Variants in ATXN7L1 observed in about 807,000 individuals in gnomAD.
The protein encoded by ATXN7L1 is ataxin 7 like 1.
A neutral mutation model predicts 70.8 loss-of-function variants in ATXN7L1; 15 were observed. The ratio of observed to expected loss-of-function variants is 0.21; its 90% CI spans 0.14 to 0.33. ATXN7L1 has a LOEUF of 0.33. ATXN7L1 is among the 10% of genes least tolerant of loss of function. ATXN7L1 has a pLI of 1.00. For missense variants in ATXN7L1, 975 were observed against 1,097.1 expected, an observed-to-expected ratio of 0.89 and a Z score of 1.57; for synonymous variants, 440 against 445.1, an observed-to-expected ratio of 0.99 and a Z score of 0.14.
intron 2 of ATXN7L1, among the ~76,000 whole-genome samples, chr7:105,789,847 T>C (rs1804875769): frequency 6.6e-6 from 1 of 150,636 alleles, no homozygotes; most frequent in African/African-American, 2.4e-5. Context: ...TCCGAGACAA[T>C]GAACACATAT....
chr7:105,614,056 C>A lies in ATXN7L1; in HGVS notation c.2278G>T (p.Ala760Ser), dbSNP rs182784708. 589 of 1,551,822 alleles carry A rather than the reference C, an allele frequency of 3.8e-4. 6 individuals carry two copies. The highest frequency in any genetic ancestry group is 2.4e-4 in the Admixed American group (12 of 51,010). The change falls in exon 10 of 12, where the codon GCC becomes TCC. Residue 760 changes from alanine to serine, a missense_variant. Ala to Ser is a moderately conservative substitution (Grantham distance 99, BLOSUM62 1). Transcript: ENST00000419735. The surrounding 1 kb of genome is among the most constrained non-coding windows in gnomAD (Gnocchi z 4.3). ...LALHAGDLSL[A>S]SHNAVSSLPL... ...AGAGAAGACACAGCATTGTGTGAGG[C>A]CAGAGAGAGGTCCCCTGCGTGGAGC...
chr7:105,819,271 G>GCAT (rs1809698040), intron 2 of ATXN7L1, among the ~76,000 whole-genome samples: 1 of 151,986 alleles, frequency 6.6e-6, no homozygotes, highest in Non-Finnish European at 1.5e-5. Flanking sequence ...TTCACAAATG[G>GCAT]CATCTTGGTA....
intron 2 of ATXN7L1, among the ~76,000 whole-genome samples, chr7:105,871,212 G>A (rs938715385): frequency 2.6e-5 from 4 of 151,458 alleles, no homozygotes; most frequent in Admixed American, 1.3e-4. Flanking sequence ...AGGACATTCA[G>A]TTCCACCCCC....
chr7:105,636,447 G>GCCCC (rs11433155), intron 7 of ATXN7L1, among the ~76,000 whole-genome samples: 5 of 139,454 alleles, frequency 3.6e-5, no homozygotes, highest in Admixed American at 7.4e-5. Context: ...GTGTTCCTCT[G>GCCCC]CCCCCCCCAC....
In ATXN7L1 at chr7:105,614,339, G is replaced by C. The variant is rs1470351874; in HGVS notation, c.1995C>G (p.Ser665=). The C allele has an allele frequency of 1.3e-6, 2 of 1,552,378 alleles. No individual in the cohort carries two copies. Among genetic ancestry groups the C allele is most frequent in the East Asian group, 4.9e-5 (2 of 40,928 alleles). ...GAGGCCCTGACAGTGGAGACGAGAG[G>C]GATGTCTGCAAGGAAGAGGAGGAGG... ...SSSSSSSLQT[S]LSSPLSGPHK... The change falls in exon 10 of 12, where the codon TCC becomes TCG. Residue 665 remains serine (S), a synonymous_variant. Transcript: ENST00000419735. The surrounding 1 kb of genome is among the most constrained non-coding windows in gnomAD (Gnocchi z 4.3).
At chr7:105,737,197 T>C (rs1584883715) in intron 3 of ATXN7L1, among the ~76,000 whole-genome samples, 2 of 152,266 alleles carry the variant, frequency 1.3e-5, no homozygotes. Context: ...TTTTCAAATG[T>C]ATTGCCATAG....
At chr7:105,731,212 T>A (rs946819284) in intron 3 of ATXN7L1, among the ~76,000 whole-genome samples, 27 of 152,336 alleles carry the variant, frequency 1.8e-4, no homozygotes, top group African/African-American at 6.0e-4. Context: ...TTTGTGTCTA[T>A]CCTTGGGTCT....
intron 3 of ATXN7L1, among the ~76,000 whole-genome samples, chr7:105,763,154 C>T (rs1045052948): frequency 2.6e-5 from 4 of 152,216 alleles, no homozygotes; most frequent in East Asian, 3.8e-4. Context: ...ATTTGTTATG[C>T]GGCAACAGGT....
Position 105,727,767 on chromosome 7 carries a change from T to TATA in ATXN7L1, c.355+60834_355+60836dup, listed in dbSNP as rs1554442531. On this transcript the variant is annotated intron_variant, in intron 3 of 11. Transcript: ENST00000419735. ...GTGTGTATATATATATATATATATA[T>TATA]ATATATATATACACACACATACACA... 2.2e-4 allele frequency among the ~76,000 whole-genome samples: 22 copies of TATA among 100,276 alleles called. No homozygotes were observed. The East Asian group carries it at 4.3e-3, about 20-fold the overall frequency. The allele number at this position is 100,276 out of a possible 152,430, so 65.8% of individuals were successfully genotyped here.
At chr7:105,795,783 A>G (rs766529251) in intron 2 of ATXN7L1, among the ~76,000 whole-genome samples, 14 of 152,218 alleles carry the variant, frequency 9.2e-5, no homozygotes, top group Non-Finnish European at 1.3e-4. Flanking sequence ...ACAGCAAAAC[A>G]GACAACCTTA....
chr7:105,701,370 T>C (rs569659504), intron 3 of ATXN7L1, among the ~76,000 whole-genome samples: 2 of 152,296 alleles, frequency 1.3e-5, no homozygotes, highest in East Asian at 3.9e-4. Flanking sequence ...ATATAAAATA[T>C]ATGCATGTAG....
chr7:105,847,139 A>C (rs115155990), intron 2 of ATXN7L1, among the ~76,000 whole-genome samples: 1,680 of 151,234 alleles, frequency 0.011, 31 homozygotes, highest in African/African-American at 0.039. Flanking sequence ...ATTAAAACAC[A>C]TACATAAAGT....
At chr7:105,718,622 G>A (rs1195772808) in intron 3 of ATXN7L1, among the ~76,000 whole-genome samples, 1 of 152,204 alleles carries the variant, frequency 6.6e-6, no homozygotes, top group Non-Finnish European at 1.5e-5. Flanking sequence ...CTCTGCAGTT[G>A]ACGGCAGGAG....
chr7:105,722,348 G>A (rs538379445), intron 3 of ATXN7L1, among the ~76,000 whole-genome samples: 1 of 152,150 alleles, frequency 6.6e-6, no homozygotes, highest in Admixed American at 6.5e-5. Context: ...GATCACCTGA[G>A]GTCGGGAGTT....
chr7:105,762,972 T>C (rs989246607), intron 3 of ATXN7L1, among the ~76,000 whole-genome samples: 1 of 152,136 alleles, frequency 6.6e-6, no homozygotes, highest in East Asian at 1.9e-4. Context: ...GAGGGAGTCA[T>C]CTTAGGAGTG....
chr7:105,764,301 G>A (rs736044), intron 3 of ATXN7L1, among the ~76,000 whole-genome samples: 90,083 of 148,610 alleles, frequency 0.61, 28,938 homozygotes, highest in African/African-American at 0.84. Flanking sequence ...AAAGCTTAAA[G>A]AAAAAAAAAA....
At chr7:105,799,231 C>A (rs898004307) in intron 2 of ATXN7L1, among the ~76,000 whole-genome samples, 2 of 152,224 alleles carry the variant, frequency 1.3e-5, no homozygotes, top group Admixed American at 1.3e-4. Context: ...GGGACTGCAT[C>A]GCAGCAGGCC....
chr7:105,870,902 T>C (rs185759952), intron 2 of ATXN7L1, among the ~76,000 whole-genome samples: 1 of 152,332 alleles, frequency 6.6e-6, no homozygotes, highest in East Asian at 1.9e-4. Flanking sequence ...CATTGGGTTT[T>C]GGACTCAGAA....
At chr7:105,642,506 A>G (rs1798420587) in intron 5 of ATXN7L1, among the ~76,000 whole-genome samples, 1 of 152,144 alleles carries the variant, frequency 6.6e-6, no homozygotes, top group Non-Finnish European at 1.5e-5. Context: ...GGCTAGTTCA[A>G]CCTGTTTGTA....
Sources: gnomAD v4.1 joint callset for allele counts (sites outside exome capture counted in the v4.1 genomes callset) on GRCh38, gnomAD v4.1.1 for gene constraint, Gnocchi (gnomAD v3.1) non-coding constraint, MANE v1.5 for transcripts, NCBI Gene and HGNC (gene_info 2026-07-23, HGNC 2026-07-21) for gene names.